The following FARP1 variants were observed in gnomAD, a reference collection of about 807,000 sequenced individuals.
The protein encoded by FARP1 is FERM, ARHGEF and pleckstrin domain-containing protein 1.
In FARP1, 52 loss-of-function variants were observed where a neutral mutation model predicts 128.8. The observed-to-expected ratio is 0.40, with a 90% CI of 0.32 to 0.51. FARP1 has a LOEUF of 0.51. FARP1 is among the 20% of genes least tolerant of loss of function. The pLI, the probability that FARP1 is intolerant of heterozygous loss-of-function variation, is 0.45. For missense variants in FARP1, 1,333 were observed against 1,367.9 expected (o/e 0.97, Z 0.40); for synonymous variants, 580 against 551.8 (o/e 1.05, Z -0.72).
intron 3 of FARP1, among the ~76,000 whole-genome samples, chr13:98,362,650 C>A (rs1319420021): frequency 6.6e-6 from 1 of 152,200 alleles, no homozygotes; most frequent in South Asian, 2.1e-4. Flanking sequence ...GTGGCACCTT[C>A]TAAATGTGAG....
chr13:98,353,225 C>T (rs550878853), intron 3 of FARP1, among the ~76,000 whole-genome samples: 18 of 152,132 alleles, frequency 1.2e-4, no homozygotes, highest in African/African-American at 3.9e-4. Flanking sequence ...TATGCAGTTA[C>T]GATGAAACTC....
At chr13:98,332,571 T>C (rs1201970830) in intron 2 of FARP1, 3 of 152,214 alleles carry the variant, frequency 2.0e-5, no homozygotes, top group African/African-American at 7.2e-5. Flanking sequence ...TCTTAAAGGA[T>C]CCGGAAAGCT....
At chr13:98,196,418 G>A (rs1879572350) in intron 1 of FARP1, among the ~76,000 whole-genome samples, 1 of 152,168 alleles carries the variant, frequency 6.6e-6, no homozygotes, top group South Asian at 2.1e-4. Context: ...AGGGGTCAGG[G>A]TAGTGTCAGT....
At chr13:98,347,737 C>T (rs150901463) in intron 3 of FARP1, among the ~76,000 whole-genome samples, 5 of 152,166 alleles carry the variant, frequency 3.3e-5, no homozygotes, top group Non-Finnish European at 7.3e-5. Flanking sequence ...ATATCACCAT[C>T]GTGACTGTCA....
chr13:98,176,871 G>A lies in FARP1; in HGVS notation c.-24+33379G>A, dbSNP rs1878094950. ...TGCACTTGAGGATGGTCGGCGTATG[G>A]TGCTCCTTCTCGGTGTCCTGCTCGA... On this transcript the variant is annotated intron_variant, in intron 1 of 26. Transcript: ENST00000319562. This position sits in a 1 kb window ranked among gnomAD's most constrained non-coding sequence, Gnocchi z 6.2. 9 of 1,608,692 alleles carry A rather than the reference G, an allele frequency of 5.6e-6. No homozygotes were observed. The highest frequency in any genetic ancestry group is 7.6e-6 in the Non-Finnish European group (9 of 1,179,968).
At chr13:98,315,627 G>A (rs1435263577) in intron 2 of FARP1, among the ~76,000 whole-genome samples, 1 of 152,192 alleles carries the variant, frequency 6.6e-6, no homozygotes, top group African/African-American at 2.4e-5. Flanking sequence ...GCTGAGGAGT[G>A]CAGCAGTGGG....
chr13:98,253,190 A>G (rs1208252272), intron 2 of FARP1, among the ~76,000 whole-genome samples: 3 of 152,210 alleles, frequency 2.0e-5, no homozygotes, highest in East Asian at 1.9e-4. Flanking sequence ...GTTGAGGGAG[A>G]TGAAAATTAA....
chr13:98,427,262 A>C (rs1891824326), intron 17 of FARP1, among the ~76,000 whole-genome samples: 1 of 151,994 alleles, frequency 6.6e-6, no homozygotes, highest in Non-Finnish European at 1.5e-5. Context: ...CATAGCTGGG[A>C]TCAGACAGTA....
chr13:98,167,096 G>A (rs950229745), intron 1 of FARP1, among the ~76,000 whole-genome samples: 4 of 152,052 alleles, frequency 2.6e-5, no homozygotes, highest in Admixed American at 2.6e-4. Context: ...TTCAAACGTT[G>A]ACAACTCGAC....
At position 98,388,437 on chromosome 13, in the gene FARP1, A is replaced by G; in HGVS notation, c.814A>G (p.Lys272Glu). 6.2e-7 allele frequency: 1 copy of G among 1,614,088 alleles called. No individual in the cohort carries two copies. ...NWAKVRKLSFKRKRFLIKLRP... is the reference protein window; with the variant it reads ...NWAKVRKLSFERKRFLIKLRP... The stretch of plus-strand genomic sequence containing the variant: ...GGCCAAGGTGCGGAAGCTGAGCTTC[A>G]AGAGGAAGCGCTTTCTCATCAAGCT... The change falls in exon 9 of 27, where the codon AAG becomes GAG. Residue 272 changes from lysine (K) to glutamate (E), a missense_variant. Physicochemically the swap from Lys to Glu is moderately conservative, Grantham distance 56. Around this residue, in one of 2 missense-constraint regions of FARP1, gnomAD observed 324 missense variants for 398.1 expected, o/e 0.81. Transcript: ENST00000319562.
At chr13:98,145,905 A>ATTGTATTGTTTTGTT (rs1875513591) in intron 1 of FARP1, among the ~76,000 whole-genome samples, 2 of 150,960 alleles carry the variant, frequency 1.3e-5, no homozygotes, top group Admixed American at 6.6e-5. Context: ...GCCCAAGGAA[A>ATTGTATTGTTTTGTT]TTGTTTTGTT....
At chr13:98,173,630 A>T (rs1480969481) in intron 1 of FARP1, among the ~76,000 whole-genome samples, 1 of 152,232 alleles carries the variant, frequency 6.6e-6, no homozygotes, top group Non-Finnish European at 1.5e-5. Context: ...CATGTTGCTC[A>T]TGTTGATTCC....
chr13:98,317,999 CTCCTCCTCCCTCT>C (rs1566871553), intron 2 of FARP1, among the ~76,000 whole-genome samples: 2 of 148,812 alleles, frequency 1.3e-5, no homozygotes, highest in Non-Finnish European at 3.0e-5. Context: ...CTTCCTCATC[CTCCTCCTCCCTCT>C]TCATCTCCTT....
chr13:98,429,959 C>G (rs80281407), intron 17 of FARP1, among the ~76,000 whole-genome samples: 7,095 of 152,298 alleles, frequency 0.047, 239 homozygotes, highest in Middle Eastern at 0.12. Context: ...AGATTTCAGG[C>G]CGGGCGTGGT....
At chr13:98,446,978 G>C in intron 26 of FARP1, 161 bp downstream of exon 26, 2 of 707,188 alleles carry the variant, frequency 2.8e-6, no homozygotes, top group South Asian at 1.8e-5. Flanking sequence ...AGGCGATTCT[G>C]TTCTCATGGC....
At chr13:98,376,044 A>G (rs1025240420) in intron 5 of FARP1, among the ~76,000 whole-genome samples, 9 of 152,202 alleles carry the variant, frequency 5.9e-5, no homozygotes, top group East Asian at 5.8e-4. Context: ...TTTCACATCC[A>G]TTTTAACATT....
At chr13:98,308,973 G>T (rs1003540545) in intron 2 of FARP1, among the ~76,000 whole-genome samples, 1 of 151,968 alleles carries the variant, frequency 6.6e-6, no homozygotes, top group Non-Finnish European at 1.5e-5. Flanking sequence ...GAGCCACTAT[G>T]CCCGGCCAAT....
Position 98,393,710 on chromosome 13 carries a change from C to T in FARP1, c.1156C>T (p.Leu386=), listed in dbSNP as rs143978540. 37 of 1,613,038 alleles carry T rather than the reference C, an allele frequency of 2.3e-5. No individual in the cohort carries two copies. Among genetic ancestry groups the T allele is most frequent in the Non-Finnish European group, 3.1e-5 (36 of 1,179,062 alleles). ...GCCTACAGAACTGAATTCGGAAGTG[C>T]TGGAGCAGGTCAGTGATGGCGCTGT... ...SQPTELNSEV[L]EQSQQSTSLT... is the part of the protein sequence containing the mutation. Residue 386 remains leucine, a synonymous_variant, in exon 12 of 27, where the codon CTG becomes TTG. Coordinates refer to ENST00000319562, the MANE Select transcript of FARP1 (RefSeq NM_005766.4).
chr13:98,161,918 T>TA (rs1876916493), intron 1 of FARP1, among the ~76,000 whole-genome samples: 2 of 152,266 alleles, frequency 1.3e-5, no homozygotes, highest in African/African-American at 4.8e-5. Flanking sequence ...TAGCTGGGAC[T>TA]ACAGATGTGG....
Sources: allele counts gnomAD v4.1 joint callset (sites outside exome capture counted in the v4.1 genomes callset), GRCh38; gene constraint gnomAD v4.1.1; regional missense constraint gnomAD v4.1.1; non-coding constraint Gnocchi (gnomAD v3.1); transcripts MANE v1.5; gene names NCBI Gene and HGNC (gene_info 2026-07-23, HGNC 2026-07-21).